Variants in IL16 observed in about 807,000 individuals in gnomAD.
IL16 encodes pro-interleukin-16.
IL16 carries 67 observed loss-of-function variants against 110.1 expected under a neutral mutation model. The observed-to-expected ratio is 0.61, with a 90% CI of 0.50 to 0.75. The LOEUF (loss-of-function observed/expected upper bound fraction) is 0.75, where lower values mean the gene tolerates loss of function less well. IL16 is among the 30% of genes least tolerant of loss of function. The pLI, the probability that IL16 is intolerant of heterozygous loss-of-function variation, is 0.00. For missense variants in IL16, 1,545 were observed against 1,655.0 expected, an observed-to-expected ratio of 0.93 and a Z score of 1.15; for synonymous variants, 689 against 662.9, an observed-to-expected ratio of 1.04 and a Z score of -0.61.
chr15:81,213,681 C>T (rs116354562), intron 1 of IL16, among the ~76,000 whole-genome samples: 1,626 of 152,204 alleles, frequency 0.011, 33 homozygotes, highest in African/African-American at 0.038. Flanking sequence ...GGTTTAAAGT[C>T]TGTTTTAAAA....
chr15:81,191,550 G>A (rs1012615379), intron 1 of IL16, among the ~76,000 whole-genome samples: 5 of 152,186 alleles, frequency 3.3e-5, no homozygotes, highest in Non-Finnish European at 7.3e-5. Context: ...GTCCCTGTGT[G>A]GGACCTAGAT....
chr15:81,245,373 G>A (rs148122220), intron 2 of IL16, among the ~76,000 whole-genome samples: 7 of 152,208 alleles, frequency 4.6e-5, no homozygotes, highest in East Asian at 1.9e-4. Flanking sequence ...TTCCCCATTC[G>A]GTCTTTGTTG....
At chr15:81,271,554 C>T (rs1898643397) in intron 5 of IL16, among the ~76,000 whole-genome samples, 1 of 152,132 alleles carries the variant, frequency 6.6e-6, no homozygotes, top group Non-Finnish European at 1.5e-5. Context: ...TCCAAGGTGA[C>T]TTGGTTAGTG....
At chr15:81,267,040 C>A (rs1280974415) in intron 4 of IL16, among the ~76,000 whole-genome samples, 1 of 152,192 alleles carries the variant, frequency 6.6e-6, no homozygotes, top group African/African-American at 2.4e-5. Flanking sequence ...CTTTCCCAGT[C>A]CCTGGTTTTC....
At chr15:81,296,768 A>C (rs922481563) in intron 12 of IL16, 160 bp from the exon 13 acceptor site, 1 of 645,444 alleles carries the variant, frequency 1.5e-6, no homozygotes, top group Non-Finnish European at 2.7e-6. Context: ...CTGCCACGTC[A>C]GCACCAAGGA....
chr15:81,227,983 T>G (rs1469704729), intron 2 of IL16, among the ~76,000 whole-genome samples: 1 of 152,004 alleles, frequency 6.6e-6, no homozygotes. Context: ...TGTCCCAACA[T>G]GCAAAACAGG....
At chr15:81,257,921 CAT>C (rs1207905218) in intron 2 of IL16, among the ~76,000 whole-genome samples, 3 of 152,196 alleles carry the variant, frequency 2.0e-5, no homozygotes, top group African/African-American at 7.2e-5. Flanking sequence ...CAATCATTCA[CAT>C]GTGACAGCCA....
chr15:81,186,304 G>T (rs1334746853), intron 1 of IL16, among the ~76,000 whole-genome samples: 2 of 152,122 alleles, frequency 1.3e-5, no homozygotes, highest in Non-Finnish European at 2.9e-5. Flanking sequence ...ACATGCTGTT[G>T]TCTTTACTTC....
upstream of IL16, among the ~76,000 whole-genome samples, chr15:81,194,872 A>C (rs551761546): frequency 2.0e-3 from 304 of 152,284 alleles, no homozygotes; most frequent in Non-Finnish European, 3.5e-3. Flanking sequence ...TGAATGACCA[A>C]GATCACACAG....
upstream of IL16, among the ~76,000 whole-genome samples, chr15:81,192,472 G>A (rs1595932812): frequency 6.6e-6 from 1 of 152,030 alleles, no homozygotes; most frequent in African/African-American, 2.4e-5. Flanking sequence ...AGCCAAATGT[G>A]GTGGCATGTG....
At chr15:81,227,295 A>G (rs928106100) in intron 2 of IL16, among the ~76,000 whole-genome samples, 2 of 152,184 alleles carry the variant, frequency 1.3e-5, no homozygotes, top group Non-Finnish European at 2.9e-5. Context: ...GTGAAGGACT[A>G]TGAAGACATA....
chr15:81,198,086 G>C (rs1034746539), intron 1 of IL16, among the ~76,000 whole-genome samples: 2 of 152,136 alleles, frequency 1.3e-5, no homozygotes, highest in African/African-American at 4.8e-5. Flanking sequence ...GAGCACAGTA[G>C]AAGGCACCTC....
chr15:81,279,752 G>A lies in IL16; in HGVS notation c.1059G>A (p.Met353Ile), dbSNP rs1036050917. 2.5e-6 allele frequency: 4 copies of A among 1,614,096 alleles called. No homozygotes were observed. Among genetic ancestry groups the A allele is most frequent in the African/African-American group, 1.3e-5 (1 of 74,932 alleles). ...ISTAKPNYRI[M>I]VEVSLQKEAG... is the part of the protein sequence containing the mutation. ...CCGCCAAGCCCAATTACAGAATCAT[G>A]GTGGAGGTTTCTCTGCAGAAAGGTA... The change falls in exon 8 of 19, where the codon ATG becomes ATA. Residue 353 changes from methionine (M) to isoleucine (I), a missense_variant. Transcript: ENST00000683961.
At chr15:81,293,982 T>C (rs966168006) in intron 12 of IL16, among the ~76,000 whole-genome samples, 1 of 152,170 alleles carries the variant, frequency 6.6e-6, no homozygotes, top group African/African-American at 2.4e-5. Context: ...CAATGCTGAG[T>C]TTCCCATCCT....
Position 81,292,698 on chromosome 15 carries a change from A to AG in IL16, c.1568dup (p.Ser524LysfsTer8). ...ACAGCAGCTACATGTCTGGGTCCCC[A>AG]GGGGGAAGTCCTGGGAGTGGCAGTG... On this transcript the variant is annotated frameshift_variant, in exon 12 of 19. Coordinates refer to ENST00000683961, the MANE Select transcript of IL16 (RefSeq NM_172217.5). LOFTEE classifies it high-confidence loss of function. The AG allele has an allele frequency of 6.2e-7, 1 of 1,614,144 alleles. No homozygotes were observed. Among genetic ancestry groups the AG allele is most frequent in the African/African-American group, 1.3e-5 (1 of 75,046 alleles).
intron 16 of IL16, among the ~76,000 whole-genome samples, chr15:81,304,888 T>C (rs1193649333): frequency 6.6e-6 from 1 of 152,138 alleles, no homozygotes; most frequent in Non-Finnish European, 1.5e-5. Context: ...AGGTACCACA[T>C]TTTAGTGGTT....
At chr15:81,266,919 C>A (rs1194799132) in intron 4 of IL16, among the ~76,000 whole-genome samples, 1 of 152,234 alleles carries the variant, frequency 6.6e-6, no homozygotes, top group African/African-American at 2.4e-5. Flanking sequence ...AATTTCATCT[C>A]TCTCTTCCCT....
chr15:81,231,377 T>TCTCTCTCTCTCTCC (rs1567008795), intron 2 of IL16, among the ~76,000 whole-genome samples: 1 of 144,400 alleles, frequency 6.9e-6, no homozygotes, highest in Non-Finnish European at 1.5e-5. Flanking sequence ...TCTCTCTCTC[T>TCTCTCTCTCTCTCC]CTCTCCCTCT....
chr15:81,273,580 A>C (rs1898747254), intron 6 of IL16, among the ~76,000 whole-genome samples: 1 of 151,228 alleles, frequency 6.6e-6, no homozygotes, highest in South Asian at 2.1e-4. Context: ...ATCCGTTAAC[A>C]CCCCCTCTCC....
Sources: gnomAD v4.1 joint callset for allele counts (sites outside exome capture counted in the v4.1 genomes callset) on GRCh38, gnomAD v4.1.1 for gene constraint, MANE v1.5 for transcripts, NCBI Gene and HGNC (gene_info 2026-07-23, HGNC 2026-07-21) for gene names.